Variants in EHBP1 observed in about 807,000 individuals in gnomAD.
EHBP1 encodes EH domain binding protein 1.
EHBP1 carries 55 observed loss-of-function variants against 144.0 expected under a neutral mutation model. That is an observed-to-expected ratio of 0.38 (90% CI 0.31 to 0.48). The LOEUF is 0.48. Ranked by LOEUF, EHBP1 falls within the 20% of genes least tolerant of loss-of-function variation. EHBP1 has a pLI of 0.98. For missense variants in EHBP1, 1,200 were observed against 1,364.2 expected, an observed-to-expected ratio of 0.88 and a Z score of 1.90; for synonymous variants, 469 against 472.7, an observed-to-expected ratio of 0.99 and a Z score of 0.10.
chr2:62,833,587 C>G (rs1404742539), intron 7 of EHBP1, among the ~76,000 whole-genome samples: 1 of 152,192 alleles, frequency 6.6e-6, no homozygotes, highest in East Asian at 1.9e-4. Flanking sequence ...AAAAAAGATG[C>G]TTTCCAAAAT....
chr2:62,901,238 T>C (rs1007597034), intron 10 of EHBP1, among the ~76,000 whole-genome samples: 1 of 152,198 alleles, frequency 6.6e-6, no homozygotes, highest in African/African-American at 2.4e-5. Flanking sequence ...ACCTCATAAA[T>C]CTTTCTTTAG....
At chr2:62,808,840 C>T (rs77945953) in intron 5 of EHBP1, among the ~76,000 whole-genome samples, 15,491 of 152,166 alleles carry the variant, frequency 0.1, 1,037 homozygotes, top group Non-Finnish European at 0.14. Flanking sequence ...TTATGAACTT[C>T]GTAAGTGTTT....
At chr2:62,927,805 A>G (rs371050259) in intron 10 of EHBP1, among the ~76,000 whole-genome samples, 3 of 152,320 alleles carry the variant, frequency 2.0e-5, no homozygotes, top group South Asian at 2.1e-4. Flanking sequence ...CAGAATGCAC[A>G]TTTTCCCAAA....
At chr2:62,885,033 G>A (rs1471566816) in intron 10 of EHBP1, among the ~76,000 whole-genome samples, 3 of 151,974 alleles carry the variant, frequency 2.0e-5, no homozygotes, top group Non-Finnish European at 2.9e-5. Context: ...GATAAAAAAC[G>A]GCTCAAATTA....
intron 5 of EHBP1, among the ~76,000 whole-genome samples, chr2:62,795,052 A>T (rs1250031567): frequency 6.6e-6 from 1 of 152,132 alleles, no homozygotes; most frequent in African/African-American, 2.4e-5. Context: ...AGAAAAAAAA[A>T]ATCAAATCTG....
chr2:62,681,633 A>G (rs1303360841), intron 1 of EHBP1, among the ~76,000 whole-genome samples: 1 of 151,976 alleles, frequency 6.6e-6, no homozygotes, highest in Non-Finnish European at 1.5e-5. Context: ...GGCTAAAACT[A>G]TTATGGGTAT....
intron 19 of EHBP1, among the ~76,000 whole-genome samples, chr2:62,998,691 G>A (rs1210387855): frequency 1.3e-5 from 2 of 152,080 alleles, no homozygotes; most frequent in Non-Finnish European, 2.9e-5. Context: ...TCCAACCATA[G>A]ATGCTTTATA....
At chr2:62,999,388 G>C (rs2059763125) in intron 19 of EHBP1, among the ~76,000 whole-genome samples, 1 of 152,042 alleles carries the variant, frequency 6.6e-6, no homozygotes, top group Non-Finnish European at 1.5e-5. Context: ...GTAGCGTTTG[G>C]TACATTCACA....
At chr2:63,023,422 C>G (rs993961183) in intron 19 of EHBP1, among the ~76,000 whole-genome samples, 1 of 152,168 alleles carries the variant, frequency 6.6e-6, no homozygotes, top group African/African-American at 2.4e-5. Flanking sequence ...TAAGGAAAGA[C>G]AGTGGACTTT....
At chr2:62,696,273 C>T (rs965359363) in intron 1 of EHBP1, among the ~76,000 whole-genome samples, 1 of 150,842 alleles carries the variant, frequency 6.6e-6, no homozygotes, top group Non-Finnish European at 1.5e-5. Context: ...CAGGTTCAAG[C>T]AATTCTCCTG....
chr2:62,895,600 G>A (rs999892213), intron 10 of EHBP1, among the ~76,000 whole-genome samples: 2 of 152,066 alleles, frequency 1.3e-5, no homozygotes, highest in Non-Finnish European at 2.9e-5. Context: ...ATTTGATAAA[G>A]GAAAAACACA....
intron 10 of EHBP1, among the ~76,000 whole-genome samples, chr2:62,887,393 C>G (rs1461110241): frequency 2.0e-5 from 3 of 152,082 alleles, no homozygotes; most frequent in Non-Finnish European, 4.4e-5. Flanking sequence ...ATCTTGGTGT[C>G]TCTCTTATGA....
At chr2:62,981,661 G>C (rs570788489) in intron 15 of EHBP1, among the ~76,000 whole-genome samples, 1 of 152,328 alleles carries the variant, frequency 6.6e-6, no homozygotes, top group Admixed American at 6.5e-5. Flanking sequence ...ACAACCCAAA[G>C]TGTGGTTGCT....
intron 19 of EHBP1, among the ~76,000 whole-genome samples, chr2:62,999,097 C>T (rs777601105): frequency 6.6e-6 from 1 of 151,850 alleles, no homozygotes; most frequent in Non-Finnish European, 1.5e-5. Context: ...CAGATAGTAC[C>T]CATGTTTTTT....
intron 10 of EHBP1, among the ~76,000 whole-genome samples, chr2:62,932,113 G>A (rs2056044558): frequency 6.6e-6 from 1 of 151,814 alleles, no homozygotes; most frequent in African/African-American, 2.4e-5. Flanking sequence ...GGAGGTGGAG[G>A]TTGCAGTGGG....
chr2:62,674,637 G>A (rs2033220280), intron 1 of EHBP1, among the ~76,000 whole-genome samples: 1 of 152,090 alleles, frequency 6.6e-6, no homozygotes, highest in African/African-American at 2.4e-5. Flanking sequence ...AACCAAATGT[G>A]GATTGTAGTG....
rs532016932 is a variant in EHBP1 at position 62,878,928 on chromosome 2, G to A, written c.1185+4396G>A. Among the ~76,000 whole-genome samples the A allele has an allele frequency of 4.6e-5, 7 of 151,292 alleles. No individual in the cohort carries two copies. The South Asian group carries it at 6.3e-4, about 14-fold the overall frequency. ...AGCTACTTGGGAGGCTGAGGCAAGA[G>A]AATCACTTGAACCCAGAAGGTGGAG... On this transcript the variant is annotated intron_variant, in intron 10 of 22. Coordinates refer to ENST00000431489, the MANE Select transcript of EHBP1 (RefSeq NM_001142616.3).
intron 1 of EHBP1, among the ~76,000 whole-genome samples, chr2:62,696,159 TC>T (rs2034079892): frequency 7.4e-6 from 1 of 136,038 alleles, no homozygotes; most frequent in South Asian, 2.9e-4. Flanking sequence ...TCTCTCTCTC[TC>T]TCTCTCTTTC....
chr2:62,783,225 C>T (rs2152422288), intron 5 of EHBP1, among the ~76,000 whole-genome samples: 1 of 152,348 alleles, frequency 6.6e-6, no homozygotes. Flanking sequence ...CTGCAGGGTA[C>T]AGCCCCCCTC....
Sources: allele counts gnomAD v4.1 joint callset (sites outside exome capture counted in the v4.1 genomes callset), GRCh38; gene constraint gnomAD v4.1.1; transcripts MANE v1.5; gene names NCBI Gene and HGNC (gene_info 2026-07-23, HGNC 2026-07-21).